Variants in MIER3 observed in about 807,000 individuals in gnomAD.
MIER3 encodes mesoderm induction early response protein 3.
A neutral mutation model predicts 63.2 loss-of-function variants in MIER3; 9 were observed. The ratio of observed to expected loss-of-function variants is 0.14; its 90% CI spans 0.09 to 0.25. MIER3 has a LOEUF of 0.25. MIER3 is among the 10% of genes least tolerant of loss of function. MIER3 has a pLI of 1.00. For synonymous variants in MIER3, 205 were observed against 224.9 expected (o/e 0.91, Z 0.79); for missense variants, 512 against 666.2 (o/e 0.77, Z 2.55).
intron 8 of MIER3, 113 bp from the exon 9 acceptor site, chr5:56,930,858 T>C (rs1750241125): frequency 1.2e-6 from 1 of 836,656 alleles, no homozygotes; most frequent in Non-Finnish European, 1.9e-6. Context: ...TGAAATCCTC[T>C]CTAATTTCAG....
At chr5:56,927,289 A>G (rs1435217890) in intron 10 of MIER3, among the ~76,000 whole-genome samples, 3 of 152,164 alleles carry the variant, frequency 2.0e-5, no homozygotes, top group African/African-American at 2.4e-5. Context: ...TAATTTTAAC[A>G]AATGTACCAC....
chr5:56,940,291 A>T (rs896907622), intron 3 of MIER3, among the ~76,000 whole-genome samples: 2 of 152,266 alleles, frequency 1.3e-5, no homozygotes, highest in Admixed American at 1.3e-4. Context: ...AGATTTTTAA[A>T]ATTTGCTTAT....
chr5:56,947,090 A>C lies in MIER3; in HGVS notation c.35-19T>G. 4.4e-6 allele frequency: 7 copies of C among 1,598,206 alleles called. No individual in the cohort carries two copies. The highest frequency in any genetic ancestry group is 6.0e-6 in the Non-Finnish European group (7 of 1,175,448). On this transcript the variant is annotated intron_variant, in intron 2 of 12. Transcript: ENST00000381199. ...GACCCAACTGGAATAAAACAAACTG[A>C]ATCACTTTACACATTTACAAGGCTA...
At position 56,930,738 on chromosome 5, in the gene MIER3, T is replaced by C. The variant is rs996823036; in HGVS notation, c.755A>G (p.Tyr252Cys). The C allele has an allele frequency of 3.1e-6, 5 of 1,613,124 alleles. No individual in the cohort carries two copies. Among genetic ancestry groups the C allele is most frequent in the Non-Finnish European group, 4.2e-6 (5 of 1,179,210 alleles). Residue 252 changes from tyrosine to cysteine, a missense_variant, in exon 9 of 13, where the codon TAT (tyrosine) becomes TGT (cysteine). Tyr to Cys is a radical substitution (Grantham distance 194). Coordinates refer to ENST00000381199, the MANE Select transcript of MIER3 (RefSeq NM_001297599.2). ...ATTGTGGTTACACTTGAGAAGTTCA[T>C]ATAATGCCTGGGATGGATATTCAAT... ...THTRDNEQALYELLKCNHNIK... is the reference protein window; with the variant it reads ...THTRDNEQALCELLKCNHNIK...
At chr5:56,927,263 A>C (rs1033119084) in intron 10 of MIER3, among the ~76,000 whole-genome samples, 1 of 152,172 alleles carries the variant, frequency 6.6e-6, no homozygotes, top group Non-Finnish European at 1.5e-5. Context: ...ATAATAATGT[A>C]TCAATATTGG....
intron 8 of MIER3, among the ~76,000 whole-genome samples, chr5:56,931,916 TGAAA>T (rs565914293): frequency 1.1e-4 from 16 of 152,188 alleles, no homozygotes; most frequent in African/African-American, 2.4e-4. Flanking sequence ...GAGAAACACC[TGAAA>T]GAGTCAAGTA....
Position 56,951,988 on chromosome 5 carries a change from G to A in MIER3, c.9+106C>T, listed in dbSNP as rs191854290. 5.3e-3 allele frequency: 5,167 copies of A among 976,286 alleles called. 219 individuals are homozygous for A. The African/African-American group carries it at 0.083, about 16-fold the overall frequency. 60.5% of individuals were successfully genotyped at this position (976,286 alleles called of 1,614,324 possible). ...CCCGCGTCGCCACGCCGCCCCTCAT[G>A]GGGCAGCGGAAAGAGCCCCGGATCC... On this transcript the variant is annotated intron_variant, in intron 1 of 12. Transcript: ENST00000381199.
chr5:56,928,019 T>A lies in MIER3; in HGVS notation c.924+748A>T, dbSNP rs969902836. On this transcript the variant is annotated intron_variant, in intron 10 of 12. Coordinates refer to ENST00000381199, the MANE Select transcript of MIER3 (RefSeq NM_001297599.2). The stretch of plus-strand genomic sequence containing the variant: ...TTCACTTAATAATATGCATTTAGGA[T>A]TTCACATGTCTCCTTGCGGCTTGTT... 4 of 152,168 alleles carry A rather than the reference T, an allele frequency of 2.6e-5. No individual in the cohort carries two copies. The East Asian group carries it at 7.7e-4, about 29-fold the overall frequency. The allele number at this position is 152,168 out of a possible 1,614,324, so 9.4% of individuals were successfully genotyped here. A position where few individuals can be genotyped will look rare whatever the true frequency, so the allele number is the denominator to read the frequency against.
intron 9 of MIER3, among the ~76,000 whole-genome samples, chr5:56,929,724 C>G (rs758346114): frequency 5.9e-5 from 9 of 152,308 alleles, no homozygotes; most frequent in Middle Eastern, 3.4e-3. Context: ...AAATCCCATT[C>G]AATTTCCCAG....
Position 56,919,807 on chromosome 5 carries a change from G to C in MIER3, c.*3321C>G, listed in dbSNP as rs1749582381. 6.6e-6 allele frequency: 1 copy of C among 152,514 alleles called. No individual in the cohort carries two copies. Among genetic ancestry groups the C allele is most frequent in the African/African-American group, 2.4e-5 (1 of 41,398 alleles). The allele number at this position is 152,514 out of a possible 1,614,324, so 9.4% of individuals were successfully genotyped here. ...TCACAGGGTACTTATTTCAAACTGG[G>C]ACAATTGGAATCACTGGTCATCTAA... On this transcript the variant is annotated 3_prime_UTR_variant, in exon 13 of 13. Coordinates refer to ENST00000381199, the MANE Select transcript of MIER3 (RefSeq NM_001297599.2).
chr5:56,952,051 G>A, intron 1 of MIER3, 43 bp downstream of exon 1: 4 of 1,264,768 alleles, frequency 3.2e-6, no homozygotes, highest in Non-Finnish European at 3.0e-6. Context: ...GCCGCCGGGC[G>A]CCCGCTCCAG....
chr5:56,934,142 G>C (rs73136986), intron 7 of MIER3, among the ~76,000 whole-genome samples: 4,818 of 152,172 alleles, frequency 0.032, 261 homozygotes, highest in African/African-American at 0.11. Context: ...AGTGCAATCT[G>C]TTCTTCAAGT....
Position 56,923,191 on chromosome 5 carries a change from G to T in MIER3, c.1590C>A (p.Asn530Lys). ...SVADFGSLSA[N>K]ETNGFISAHA... ...GGGCACTGATGAAACCATTGGTCTC[G>T]TTGGCAGAGAGACTGCCAAAGTCAG... Residue 530 changes from asparagine to lysine, a missense_variant, in exon 13 of 13, where the codon AAC becomes AAA. By Grantham distance (94) the Asn-to-Lys change is moderately conservative. Coordinates refer to ENST00000381199, the MANE Select transcript of MIER3 (RefSeq NM_001297599.2). 8 of 1,614,086 alleles carry T rather than the reference G, an allele frequency of 5.0e-6. No individual in the cohort carries two copies. The highest frequency in any genetic ancestry group is 6.8e-6 in the Non-Finnish European group (8 of 1,180,008).
intron 5 of MIER3, 150 bp downstream of exon 5, chr5:56,937,428 A>G (rs1750485250): frequency 1.2e-6 from 1 of 820,438 alleles, no homozygotes; most frequent in Non-Finnish European, 1.7e-6. Flanking sequence ...CCCAAAAGAA[A>G]GGTTATAATC....
At chr5:56,945,126 G>A (rs1750784132) in intron 3 of MIER3, among the ~76,000 whole-genome samples, 1 of 152,168 alleles carries the variant, frequency 6.6e-6, no homozygotes, top group African/African-American at 2.4e-5. Flanking sequence ...TGAACATCAA[G>A]GGGGTAATTA....
At chr5:56,925,651 A>C (rs914898939) in intron 10 of MIER3, 2 of 172,644 alleles carry the variant, frequency 1.2e-5, no homozygotes, top group South Asian at 2.4e-4. Flanking sequence ...ATAAGAAGAC[A>C]CTTCATTGTT....
At chr5:56,933,663 C>T (rs1298153457) in intron 7 of MIER3, among the ~76,000 whole-genome samples, 6 of 152,108 alleles carry the variant, frequency 3.9e-5, no homozygotes, top group Non-Finnish European at 8.8e-5. Flanking sequence ...CTCTCCATGC[C>T]TAGTAAAGTC....
At chr5:56,951,413 C>T (rs1219036753) in intron 1 of MIER3, among the ~76,000 whole-genome samples, 1 of 152,064 alleles carries the variant, frequency 6.6e-6, no homozygotes, top group Non-Finnish European at 1.5e-5. Context: ...TTCCTCCAGC[C>T]CAGAGAAAAC....
rs561956456 is a variant in MIER3 at position 56,920,774 on chromosome 5, T to C, written c.*2354A>G. The stretch of plus-strand genomic sequence containing the variant: ...ACATGGCAGAAGTAGTCAGAAAATA[T>C]TGAATTAGATCTAAAAAGATATGAA... On this transcript the variant is annotated 3_prime_UTR_variant, in exon 13 of 13. Transcript: ENST00000381199. 1.8e-4 allele frequency: 27 copies of C among 152,368 alleles called. No homozygotes were observed. The highest frequency in any genetic ancestry group is 4.6e-4 in the African/African-American group (19 of 41,568). 9.4% of individuals were successfully genotyped at this position (152,368 alleles called of 1,614,324 possible).
Sources: allele counts gnomAD v4.1 joint callset (sites outside exome capture counted in the v4.1 genomes callset), GRCh38; gene constraint gnomAD v4.1.1; transcripts MANE v1.5; gene names NCBI Gene and HGNC (gene_info 2026-07-23, HGNC 2026-07-21).